AP2A2: variants seen among roughly 807,000 people sequenced by gnomAD.
The protein encoded by AP2A2 is adaptor related protein complex 2 subunit alpha 2, also known as AP-2 complex subunit alpha-2.
AP2A2 carries 32 observed loss-of-function variants against 104.2 expected under a neutral mutation model. The observed-to-expected ratio is 0.31, with a 90% CI of 0.23 to 0.41. AP2A2 has a LOEUF of 0.41. Ranked by LOEUF, AP2A2 falls within the 10% of genes least tolerant of loss-of-function variation. AP2A2 has a pLI of 1.00. For missense variants in AP2A2, 912 were observed against 1,261.0 expected (o/e 0.72, Z 4.19); for synonymous variants, 539 against 533.3 (o/e 1.01, Z -0.15).
chr11:1,009,663 TCTC>T lies in AP2A2; in HGVS notation c.2608-17_2608-15del, dbSNP rs1158821834. On this transcript the variant is annotated splice_polypyrimidine_tract_variant and intron_variant, in intron 20 of 21. Coordinates refer to ENST00000448903, the MANE Select transcript of AP2A2 (RefSeq NM_012305.4). ...CGCGACCCCGCGCCAGGGTCCTCAT[TCTC>T]CTGTTTCTTTGGACAGATCATTGGA... The T allele has an allele frequency of 5.8e-6, 9 of 1,550,194 alleles. No homozygotes were observed. Among genetic ancestry groups the T allele is most frequent in the Non-Finnish European group, 7.9e-6 (9 of 1,141,986 alleles).
chr11:1,011,701 A>G lies in AP2A2; in HGVS notation c.*1076A>G. 1 of 340,102 alleles carries G rather than the reference A, an allele frequency of 2.9e-6. No homozygotes were observed. Among genetic ancestry groups the G allele is most frequent in the Non-Finnish European group, 5.9e-6 (1 of 170,252 alleles). The allele number at this position is 340,102 out of a possible 1,614,324, so 21.1% of individuals were successfully genotyped here. On this transcript the variant is annotated 3_prime_UTR_variant, in exon 22 of 22. Transcript: ENST00000448903. ...GGCCTTGTTTGTCCTAAACACACCC[A>G]GCACAGGTTCTGGCTTCCTGACATG...
rs905075104 is a variant in AP2A2 at position 1,008,045 on chromosome 11, C to T, written c.2330C>T (p.Thr777Ile). Residue 777 changes from threonine to isoleucine, a missense_variant, in exon 18 of 22, where the codon ACC (threonine) becomes ATC (isoleucine). Around this residue, in one of 7 missense-constraint regions of AP2A2, gnomAD observed 239 missense variants for 329.8 expected, o/e 0.72. Transcript: ENST00000448903. Reference protein sequence around the residue: ...LNLQTKPVDPTVEGGAQVQQV... With the variant: ...LNLQTKPVDPIVEGGAQVQQV... ...CTGCAGACCAAGCCCGTGGACCCGA[C>T]CGTGGAGGGGGGCGCGCAGGTGCAG... 28 of 1,572,434 alleles carry T rather than the reference C, an allele frequency of 1.8e-5. No homozygotes were observed. Among genetic ancestry groups the T allele is most frequent in the Non-Finnish European group, 2.2e-5 (25 of 1,159,748 alleles).
intron 1 of AP2A2, among the ~76,000 whole-genome samples, chr11:950,647 A>G (rs1854021453): frequency 1.3e-5 from 2 of 152,122 alleles, no homozygotes; most frequent in South Asian, 2.1e-4. Flanking sequence ...GTTAATCTGG[A>G]CTTCATAACG....
At chr11:990,997 T>TA (rs1855631690) in intron 10 of AP2A2, among the ~76,000 whole-genome samples, 1 of 100,974 alleles carries the variant, frequency 9.9e-6, no homozygotes, top group Non-Finnish European at 2.0e-5. Flanking sequence ...TCCGTCCTTT[T>TA]AGCCGGGCAT....
In AP2A2 at chr11:992,823, C is replaced by A; in HGVS notation, c.1452+138C>A. The A allele has an allele frequency of 2.4e-6, 2 of 849,386 alleles. No homozygotes were observed. The highest frequency in any genetic ancestry group is 3.8e-6 in the Non-Finnish European group (2 of 531,100). 52.6% of individuals were successfully genotyped at this position (849,386 alleles called of 1,614,324 possible). ...CTTGCCCCTCAGCTCTTCCCTGAGG[C>A]TCTAGCTCCTCCACTGTTGGTGCCC... is the stretch of plus-strand genomic sequence containing the variant. On this transcript the variant is annotated intron_variant, in intron 11 of 21. Transcript: ENST00000448903. This position sits in a 1 kb window ranked among gnomAD's most constrained non-coding sequence, Gnocchi z 6.4.
chr11:979,328 T>G (rs1470970787), intron 5 of AP2A2, among the ~76,000 whole-genome samples: 1 of 151,290 alleles, frequency 6.6e-6, no homozygotes, highest in Middle Eastern at 3.2e-3. Context: ...TGCAGTTTCT[T>G]ACAAGTTCTT....
Position 994,028 on chromosome 11 carries a change from G to C in AP2A2, c.1782+43G>C, listed in dbSNP as rs766845606. The C allele has an allele frequency of 9.9e-6, 16 of 1,609,188 alleles. No individual in the cohort carries two copies. The South Asian group carries it at 1.7e-4, about 17-fold the overall frequency. ...TTCGGGCTGGCTTGGCTGAGGGTTG[G>C]AGGCCAGGAGCTCTGACCAGTCCCA... On this transcript the variant is annotated intron_variant, in intron 13 of 21. Coordinates refer to ENST00000448903, the MANE Select transcript of AP2A2 (RefSeq NM_012305.4).
chr11:938,759 C>G (rs117455145), intron 1 of AP2A2, among the ~76,000 whole-genome samples: 4,571 of 152,164 alleles, frequency 0.03, 94 homozygotes, highest in South Asian at 0.051. Flanking sequence ...CAGGCATGAG[C>G]CGCTGTGCCC....
intron 10 of AP2A2, among the ~76,000 whole-genome samples, chr11:989,820 C>T (rs1300652625): frequency 2.6e-5 from 4 of 152,180 alleles, no homozygotes; most frequent in African/African-American, 7.2e-5. Flanking sequence ...GCCCGGTGTC[C>T]TCGCGTGGGG....
chr11:977,563 G>A (rs1018512758), intron 5 of AP2A2, among the ~76,000 whole-genome samples: 6 of 150,744 alleles, frequency 4.0e-5, no homozygotes, highest in African/African-American at 1.2e-4. Flanking sequence ...AGGCTCTAAC[G>A]TGCAGTCTTA....
intron 15 of AP2A2, among the ~76,000 whole-genome samples, chr11:1,001,867 C>T (rs1339917973): frequency 2.0e-5 from 3 of 152,200 alleles, no homozygotes; most frequent in East Asian, 1.9e-4. Flanking sequence ...CTGCAGCTGG[C>T]CAGGCCTCGG....
chr11:955,508 G>A (rs1254048976), intron 1 of AP2A2, among the ~76,000 whole-genome samples: 1 of 152,196 alleles, frequency 6.6e-6, no homozygotes. Flanking sequence ...GCTGTGAGCA[G>A]CTTTCAGGGC....
chr11:934,204 GC>G (rs1853380667), intron 1 of AP2A2, among the ~76,000 whole-genome samples: 1 of 152,166 alleles, frequency 6.6e-6, no homozygotes, highest in Non-Finnish European at 1.5e-5. Flanking sequence ...CCTGCTGGGT[GC>G]GTTCTTAGGA....
chr11:961,688 G>T (rs1429072138), intron 2 of AP2A2, among the ~76,000 whole-genome samples: 1 of 132,810 alleles, frequency 7.5e-6, no homozygotes, highest in Admixed American at 7.7e-5. Flanking sequence ...TCTGACAGTC[G>T]CCGCCACCAG....
intron 6 of AP2A2, among the ~76,000 whole-genome samples, chr11:984,238 G>A (rs554608451): frequency 6.6e-6 from 1 of 152,194 alleles, no homozygotes; most frequent in Non-Finnish European, 1.5e-5. Flanking sequence ...CACCATCTGG[G>A]TTGGCCTGTG....
chr11:970,342 G>A, intron 3 of AP2A2, 31 bp downstream of exon 3: 1 of 1,607,410 alleles, frequency 6.2e-7, no homozygotes, highest in Non-Finnish European at 8.5e-7. Context: ...AGACGGCAGA[G>A]GATGGCGTGG....
intron 14 of AP2A2, among the ~76,000 whole-genome samples, chr11:997,108 G>T (rs1245273233): frequency 6.6e-6 from 1 of 152,158 alleles, no homozygotes; most frequent in Non-Finnish European, 1.5e-5. Context: ...CCTCAGGGTG[G>T]CATCAGCACA....
At chr11:1,001,893 G>C (rs1043206050) in intron 15 of AP2A2, among the ~76,000 whole-genome samples, 3 of 152,198 alleles carry the variant, frequency 2.0e-5, no homozygotes, top group African/African-American at 7.2e-5. Context: ...TTGTGCATGC[G>C]GCCGTCTTGG....
At chr11:932,044 C>G (rs1188192148) in intron 1 of AP2A2, among the ~76,000 whole-genome samples, 1 of 152,084 alleles carries the variant, frequency 6.6e-6, no homozygotes, top group African/African-American at 2.4e-5. Context: ...CGTGAGCCAC[C>G]ACGCCCGGCC....
Sources: gnomAD v4.1 joint callset for allele counts (sites outside exome capture counted in the v4.1 genomes callset) on GRCh38, gnomAD v4.1.1 for gene constraint, gnomAD v4.1.1 regional missense constraint, Gnocchi (gnomAD v3.1) non-coding constraint, MANE v1.5 for transcripts, NCBI Gene and HGNC (gene_info 2026-07-23, HGNC 2026-07-21) for gene names.